The following ACO2 variants were observed in gnomAD, a reference collection of about 807,000 sequenced individuals.
ACO2 encodes aconitate hydratase, mitochondrial.
ACO2 carries 31 observed loss-of-function variants against 84.5 expected under a neutral mutation model. That is an observed-to-expected ratio of 0.37 (90% CI 0.28 to 0.50). The LOEUF (loss-of-function observed/expected upper bound fraction) is 0.50, where lower values mean the gene tolerates loss of function less well. Among genes scored for constraint, ACO2 ranks in the 20% least tolerant of loss-of-function variants. The pLI is 0.97. For synonymous variants in ACO2, 414 were observed against 412.7 expected, an observed-to-expected ratio of 1.00 and a Z score of -0.04; for missense variants, 685 against 1,029.3, an observed-to-expected ratio of 0.67 and a Z score of 4.58.
intron 4 of ACO2, among the ~76,000 whole-genome samples, chr22:41,512,880 A>G (rs1277955029): frequency 6.6e-6 from 1 of 152,170 alleles, no homozygotes; most frequent in Non-Finnish European, 1.5e-5. Context: ...CCCTGTATGT[A>G]TGAAACCTGC....
At chr22:41,525,738 C>T in intron 14 of ACO2, 1 of 242,970 alleles carries the variant, frequency 4.1e-6, no homozygotes, top group East Asian at 9.7e-5. Context: ...ACTCCTGCCC[C>T]CACAGTTGGG....
chr22:41,507,723 G>T, intron 2 of ACO2, 68 bp from the exon 3 acceptor site: 1 of 1,559,278 alleles, frequency 6.4e-7, no homozygotes. Context: ...TGGACTGAGA[G>T]GGAGAGGCAG....
At chr22:41,508,097 G>T (rs778480089) in intron 3 of ACO2, 48 bp downstream of exon 3, 12 of 1,575,200 alleles carry the variant, frequency 7.6e-6, no homozygotes, top group Admixed American at 3.4e-5. Flanking sequence ...AAGACTGGGC[G>T]AGAGGCCTCA....
At chr22:41,486,104 T>C (rs1569003808) in intron 1 of ACO2, among the ~76,000 whole-genome samples, 1 of 151,716 alleles carries the variant, frequency 6.6e-6, no homozygotes, top group Non-Finnish European at 1.5e-5. Context: ...CTCCTGCCCC[T>C]TGTGTGTGTG....
At chr22:41,474,027 G>A (rs571548445) in intron 1 of ACO2, among the ~76,000 whole-genome samples, 1 of 152,292 alleles carries the variant, frequency 6.6e-6, no homozygotes, top group Admixed American at 6.5e-5. Flanking sequence ...CTGCGTGCAT[G>A]ATGGACCATA....
chr22:41,523,820 G>C lies in ACO2; in HGVS notation c.1371-10G>C, dbSNP rs1449920713. 1 of 1,610,150 alleles carries C rather than the reference G, an allele frequency of 6.2e-7. No homozygotes were observed. Among genetic ancestry groups the C allele is most frequent in the Non-Finnish European group, 8.5e-7 (1 of 1,178,300 alleles). On this transcript the variant is annotated splice_polypyrimidine_tract_variant and intron_variant, in intron 11 of 17. Transcript: ENST00000216254. ...AGATATCCCTAACCCTGATCCCTCTGACCTGGCAGGAAGGACATCAAGAAG... is the reference window on the plus strand; with the variant it reads ...AGATATCCCTAACCCTGATCCCTCTCACCTGGCAGGAAGGACATCAAGAAG...
rs1039739329 is a variant in ACO2, at chr22:41,527,232, C to G, written c.1954-56C>G. On this transcript the variant is annotated intron_variant, in intron 15 of 17. Coordinates refer to ENST00000216254, the MANE Select transcript of ACO2 (RefSeq NM_001098.3). ...GTGAGGCCAGGCAGGTAGGGCCAGA[C>G]AGGTGAGGACGGTGCCCTCCTCTGC... 12 of 1,613,060 alleles carry G rather than the reference C, an allele frequency of 7.4e-6. No individual in the cohort carries two copies. In the African/African-American group the frequency reaches 1.3e-4, roughly 18 times the overall value.
At chr22:41,526,884 G>A (rs992359581) in intron 15 of ACO2, 4 of 320,396 alleles carry the variant, frequency 1.2e-5, no homozygotes, top group Non-Finnish European at 1.2e-5. Context: ...CCGGGTGAAA[G>A]GACTCTGGCA....
chr22:41,499,967 G>A (rs1032641932), intron 2 of ACO2, 105 bp downstream of exon 2: 1 of 1,443,124 alleles, frequency 6.9e-7, no homozygotes, highest in Non-Finnish European at 9.5e-7. Context: ...GGTGATAGTG[G>A]CAGGGTCAAG....
At chr22:41,523,086 AGGT>A in intron 10 of ACO2, 99 bp downstream of exon 10, 1 of 1,562,574 alleles carries the variant, frequency 6.4e-7, no homozygotes, top group Non-Finnish European at 8.7e-7. Flanking sequence ...GGGCTGGGGC[AGGT>A]CCCAGTGGCT....
chr22:41,525,388 AG>A, intron 14 of ACO2, 40 bp downstream of exon 14: 1 of 1,607,830 alleles, frequency 6.2e-7, no homozygotes, highest in South Asian at 1.1e-5. Flanking sequence ...CCACCCTGCC[AG>A]GGCCCCCCGT....
intron 1 of ACO2, among the ~76,000 whole-genome samples, chr22:41,473,585 T>C (rs745984222): frequency 1.1e-4 from 16 of 152,148 alleles, no homozygotes; most frequent in Non-Finnish European, 2.2e-4. Flanking sequence ...TGAACAAGAA[T>C]AGTGGGGCTT....
At chr22:41,504,435 A>G (rs5751117) in intron 2 of ACO2, among the ~76,000 whole-genome samples, 13,439 of 152,158 alleles carry the variant, frequency 0.088, 1,590 homozygotes, top group East Asian at 0.48. Flanking sequence ...GGGACATTCA[A>G]TGATGAACCC....
At position 41,524,953 on chromosome 22, in the gene ACO2, T is replaced by G; in HGVS notation, c.1590T>G (p.Asp530Glu). ...TCAGGCTGGAGGCTCCGGATGCAGATGAGCTTCCCAAAGGGGTGAGCGCCC... is the reference window on the plus strand; with the variant it reads ...TCAGGCTGGAGGCTCCGGATGCAGAGGAGCTTCCCAAAGGGGTGAGCGCCC... ...KKFRLEAPDA[D>E]ELPKGEFDPG... is the part of the protein sequence containing the mutation. The change falls in exon 13 of 18, where the codon GAT (aspartate) becomes GAG (glutamate). Residue 530 changes from aspartate (D) to glutamate (E), a missense_variant. This residue lies in a region of ACO2 where 311 missense variants were observed against 441.6 expected (regional missense o/e 0.70). Coordinates refer to ENST00000216254, the MANE Select transcript of ACO2 (RefSeq NM_001098.3). The G allele has an allele frequency of 6.2e-7, 1 of 1,614,180 alleles. No individual in the cohort carries two copies. Among genetic ancestry groups the G allele is most frequent in the South Asian group, 1.1e-5 (1 of 91,086 alleles).
chr22:41,508,822 G>T (rs573886384), intron 3 of ACO2, among the ~76,000 whole-genome samples: 1 of 152,310 alleles, frequency 6.6e-6, no homozygotes, highest in East Asian at 1.9e-4. Flanking sequence ...AGTGGGAGTG[G>T]GTCCCCCTCA....
At chr22:41,483,054 G>C (rs945850002) in intron 1 of ACO2, among the ~76,000 whole-genome samples, 13 of 152,198 alleles carry the variant, frequency 8.5e-5, no homozygotes, top group African/African-American at 3.1e-4. Flanking sequence ...TTTCTGCCTC[G>C]AGGCCACCTC....
intron 15 of ACO2, 49 bp downstream of exon 15, chr22:41,526,502 C>A: frequency 6.4e-7 from 1 of 1,566,172 alleles, no homozygotes; most frequent in Non-Finnish European, 8.7e-7. Flanking sequence ...CCTGAAGGGG[C>A]CTGCAAGGCA....
chr22:41,473,546 C>T (rs2037970854), intron 1 of ACO2, among the ~76,000 whole-genome samples: 1 of 152,168 alleles, frequency 6.6e-6, no homozygotes, highest in African/African-American at 2.4e-5. Context: ...CACTGCCTAG[C>T]ATTGTTCTAG....
chr22:41,489,221 C>G (rs1986041288), intron 1 of ACO2, among the ~76,000 whole-genome samples: 1 of 152,050 alleles, frequency 6.6e-6, no homozygotes, highest in Non-Finnish European at 1.5e-5. Context: ...TTTGTTTATC[C>G]TTTGTGGAGA....
Sources: allele counts gnomAD v4.1 joint callset (sites outside exome capture counted in the v4.1 genomes callset), GRCh38; gene constraint gnomAD v4.1.1; regional missense constraint gnomAD v4.1.1; transcripts MANE v1.5; gene names NCBI Gene and HGNC (gene_info 2026-07-23, HGNC 2026-07-21).